PLA1A: variants seen among roughly 807,000 people sequenced by gnomAD.
PLA1A encodes phospholipase A1 member A.
In PLA1A, 47 loss-of-function variants were observed where a neutral mutation model predicts 49.4. The ratio of observed to expected loss-of-function variants is 0.95; its 90% CI spans 0.75 to 1.21. The LOEUF (loss-of-function observed/expected upper bound fraction) is 1.21. PLA1A is among the 50% of genes most tolerant of loss of function. PLA1A has a pLI of 0.00. For synonymous variants in PLA1A, 224 were observed against 207.9 expected (o/e 1.08, Z -0.67); for missense variants, 561 against 563.9 (o/e 0.99, Z 0.05).
intron 3 of PLA1A, 102 bp from the exon 4 acceptor site, chr3:119,609,366 A>G: frequency 1.2e-6 from 1 of 801,610 alleles, no homozygotes; most frequent in Non-Finnish European, 2.3e-6. Context: ...TGGGTGTGTC[A>G]TGCCCAGGGC....
At chr3:119,613,541 C>T (rs967307731) in intron 5 of PLA1A, among the ~76,000 whole-genome samples, 3 of 152,348 alleles carry the variant, frequency 2.0e-5, no homozygotes, top group Admixed American at 2.0e-4. Flanking sequence ...GCAGGCCTGT[C>T]ACAACTTCCC....
rs532526675 is a variant in PLA1A, at chr3:119,612,178, C to T, written c.563-839C>T. Among the ~76,000 whole-genome samples the T allele has an allele frequency of 2.0e-5, 3 of 152,298 alleles. No homozygotes were observed. In the South Asian group the frequency reaches 6.2e-4, roughly 32 times the overall value. ...GGATAACCTACTCACTACTATTTTC[C>T]TTTATTCTCTGACCTATTTTCCTAC... On this transcript the variant is annotated intron_variant, in intron 4 of 10. Transcript: ENST00000273371.
At chr3:119,612,205 C>T (rs2107786590) in intron 4 of PLA1A, among the ~76,000 whole-genome samples, 1 of 152,322 alleles carries the variant, frequency 6.6e-6, no homozygotes, top group South Asian at 2.1e-4. Flanking sequence ...TTTTCCTACT[C>T]CCTCACCATG....
chr3:119,611,793 T>C (rs1489917034), intron 4 of PLA1A, among the ~76,000 whole-genome samples: 3 of 152,210 alleles, frequency 2.0e-5, no homozygotes, highest in Non-Finnish European at 4.4e-5. Flanking sequence ...ATATCATTGA[T>C]GAAGAGAGAC....
intron 1 of PLA1A, among the ~76,000 whole-genome samples, chr3:119,603,660 C>T (rs990419390): frequency 2.6e-5 from 4 of 152,174 alleles, no homozygotes; most frequent in Non-Finnish European, 5.9e-5. Context: ...AACTTAGGCA[C>T]ATTAAAATTT....
intron 1 of PLA1A, among the ~76,000 whole-genome samples, chr3:119,605,242 A>G (rs1283908650): frequency 1.3e-5 from 2 of 152,206 alleles, no homozygotes; most frequent in Admixed American, 6.5e-5. Context: ...GCTTCATCCC[A>G]GGAGCCTCCA....
intron 6 of PLA1A, among the ~76,000 whole-genome samples, chr3:119,617,050 G>A (rs1267416426): frequency 6.6e-6 from 1 of 152,210 alleles, no homozygotes; most frequent in Non-Finnish European, 1.5e-5. Flanking sequence ...AGGTCTCAAG[G>A]TGCAGGGAGA....
chr3:119,621,929 A>G (rs568966944), intron 8 of PLA1A, among the ~76,000 whole-genome samples: 3 of 152,274 alleles, frequency 2.0e-5, no homozygotes, highest in Non-Finnish European at 4.4e-5. Context: ...TAAGTGAAGA[A>G]AGAAGTAGGC....
chr3:119,619,765 G>A, intron 8 of PLA1A, 113 bp downstream of exon 8: 1 of 778,204 alleles, frequency 1.3e-6, no homozygotes, highest in Non-Finnish European at 2.3e-6. Context: ...CATCACCGGA[G>A]GTGTGGCAAC....
At chr3:119,613,945 A>T (rs2082807316) in intron 5 of PLA1A, among the ~76,000 whole-genome samples, 1 of 151,684 alleles carries the variant, frequency 6.6e-6, no homozygotes, top group South Asian at 2.1e-4. Context: ...CACAGGAAAG[A>T]CTCCCCATCT....
chr3:119,626,320 T>A (rs2052535699), intron 9 of PLA1A, among the ~76,000 whole-genome samples: 1 of 152,102 alleles, frequency 6.6e-6, no homozygotes, highest in Non-Finnish European at 1.5e-5. Context: ...GGGGAATAGA[T>A]CAGTCCAGAG....
chr3:119,610,056 A>G (rs1182650023), intron 4 of PLA1A, among the ~76,000 whole-genome samples: 1 of 152,206 alleles, frequency 6.6e-6, no homozygotes, highest in Non-Finnish European at 1.5e-5. Context: ...GCTCCCACTT[A>G]TAAGTGAAAA....
intron 5 of PLA1A, among the ~76,000 whole-genome samples, chr3:119,614,656 C>T (rs998848793): frequency 1.3e-5 from 2 of 148,892 alleles, no homozygotes; most frequent in African/African-American, 4.9e-5. Flanking sequence ...CTTAAATTTG[C>T]TAAATATGTG....
chr3:119,608,635 G>A, intron 2 of PLA1A, 135 bp from the exon 3 acceptor site: 1 of 706,642 alleles, frequency 1.4e-6, no homozygotes. Flanking sequence ...TCCAAGTACT[G>A]TGTAATAAAC....
At chr3:119,621,833 G>T (rs1371235239) in intron 8 of PLA1A, among the ~76,000 whole-genome samples, 1 of 152,128 alleles carries the variant, frequency 6.6e-6, no homozygotes, top group African/African-American at 2.4e-5. Flanking sequence ...TGTGTTGTAC[G>T]ACATGAGACA....
intron 9 of PLA1A, among the ~76,000 whole-genome samples, chr3:119,628,115 T>C (rs894660283): frequency 5.3e-5 from 8 of 152,228 alleles, no homozygotes; most frequent in African/African-American, 1.9e-4. Flanking sequence ...TTCAAGTTCA[T>C]AGCAGCATGT....
intron 10 of PLA1A, 105 bp downstream of exon 10, chr3:119,628,970 A>T: frequency 1.1e-6 from 1 of 921,086 alleles, no homozygotes; most frequent in Non-Finnish European, 1.7e-6. Flanking sequence ...CATAGTGATT[A>T]TCATCTTAGA....
chr3:119,602,965 C>A (rs1295668955), intron 1 of PLA1A, among the ~76,000 whole-genome samples: 1 of 152,078 alleles, frequency 6.6e-6, no homozygotes, highest in Non-Finnish European at 1.5e-5. Context: ...GGGCAAAGAC[C>A]CTCAGGCAGG....
intron 9 of PLA1A, among the ~76,000 whole-genome samples, chr3:119,628,405 G>A (rs2107803957): frequency 6.6e-6 from 1 of 152,208 alleles, no homozygotes; most frequent in Admixed American, 6.5e-5. Context: ...CCTCCAGCTA[G>A]GAATCCAAGA....
Sources: allele counts gnomAD v4.1 joint callset (sites outside exome capture counted in the v4.1 genomes callset), GRCh38; gene constraint gnomAD v4.1.1; transcripts MANE v1.5; gene names NCBI Gene and HGNC (gene_info 2026-07-23, HGNC 2026-07-21).